LPP: variants seen among roughly 807,000 people sequenced by gnomAD.
LPP encodes lipoma-preferred partner.
In LPP, 38 loss-of-function variants were observed where a neutral mutation model predicts 60.4. The observed-to-expected ratio is 0.63, with a 90% confidence interval of 0.49 to 0.83. The LOEUF (loss-of-function observed/expected upper bound fraction) is 0.83. Among genes scored for constraint, LPP ranks in the 40% least tolerant of loss-of-function variants. The pLI is 0.00. For synonymous variants in LPP, 328 were observed against 290.8 expected, an observed-to-expected ratio of 1.13 and a Z score of -1.30; for missense variants, 902 against 783.6, an observed-to-expected ratio of 1.15 and a Z score of -1.80.
At chr3:188,762,227 G>C (rs532960176) in intron 9 of LPP, among the ~76,000 whole-genome samples, 185 of 152,150 alleles carry the variant, frequency 1.2e-3, no homozygotes, top group Admixed American at 1.4e-3. Context: ...TCCCCTCCTT[G>C]GGAAAATTAT....
At chr3:188,302,244 A>C (rs1750133085) in intron 2 of LPP, among the ~76,000 whole-genome samples, 1 of 152,212 alleles carries the variant, frequency 6.6e-6, no homozygotes, top group African/African-American at 2.4e-5. Context: ...ACAGAGACTC[A>C]AAGAGGCTAA....
At chr3:188,759,741 A>G (rs373151060) in intron 8 of LPP, among the ~76,000 whole-genome samples, 1 of 152,130 alleles carries the variant, frequency 6.6e-6, no homozygotes, top group African/African-American at 2.4e-5. Context: ...GTACTGTTTT[A>G]TAGATTTTGC....
intron 8 of LPP, among the ~76,000 whole-genome samples, chr3:188,736,122 A>G (rs1257695915): frequency 6.6e-6 from 1 of 152,196 alleles, no homozygotes; most frequent in Non-Finnish European, 1.5e-5. Flanking sequence ...TTTAGAAGCT[A>G]ACAACTTTTT....
At chr3:188,718,598 T>C (rs1447530140) in intron 8 of LPP, among the ~76,000 whole-genome samples, 1 of 152,238 alleles carries the variant, frequency 6.6e-6, no homozygotes, top group Non-Finnish European at 1.5e-5. Context: ...TCTGTTTTCT[T>C]CACTAAATGT....
chr3:188,636,600 G>C (rs927279128), intron 7 of LPP, among the ~76,000 whole-genome samples: 2 of 152,168 alleles, frequency 1.3e-5, no homozygotes, highest in Non-Finnish European at 2.9e-5. Flanking sequence ...AGCTCTGGGG[G>C]CCCAGGGCAC....
At chr3:188,409,942 G>T (rs1051114031) in intron 4 of LPP, among the ~76,000 whole-genome samples, 1 of 152,148 alleles carries the variant, frequency 6.6e-6, no homozygotes, top group East Asian at 1.9e-4. Flanking sequence ...TCTAACTCTA[G>T]AGTTACCCAA....
chr3:188,644,709 A>C (rs1850791650), intron 7 of LPP, among the ~76,000 whole-genome samples: 1 of 152,190 alleles, frequency 6.6e-6, no homozygotes, highest in Non-Finnish European at 1.5e-5. Context: ...TTTTATCAGA[A>C]AAGAAAAGAG....
intron 7 of LPP, among the ~76,000 whole-genome samples, chr3:188,654,922 G>A (rs910798490): frequency 6.6e-6 from 1 of 152,182 alleles, no homozygotes; most frequent in Non-Finnish European, 1.5e-5. Context: ...ATGGAATATT[G>A]TAGTCCAGGA....
At chr3:188,362,232 C>T (rs114611976) in intron 3 of LPP, among the ~76,000 whole-genome samples, 5,672 of 152,184 alleles carry the variant, frequency 0.037, 151 homozygotes, top group Non-Finnish European at 0.061. Flanking sequence ...GTTTTCAATA[C>T]GCTAGGCATT....
chr3:188,500,125 A>C (rs1177763889), intron 5 of LPP, among the ~76,000 whole-genome samples: 2 of 151,824 alleles, frequency 1.3e-5, no homozygotes, highest in African/African-American at 4.8e-5. Context: ...TACTCTGATG[A>C]GGACTTCCAG....
At chr3:188,490,627 G>C (rs1262133896) in intron 5 of LPP, among the ~76,000 whole-genome samples, 1 of 151,996 alleles carries the variant, frequency 6.6e-6, no homozygotes, top group African/African-American at 2.4e-5. Flanking sequence ...GCCCCACGAA[G>C]TGCTAGGATT....
intron 2 of LPP, among the ~76,000 whole-genome samples, chr3:188,269,346 A>G (rs896252906): frequency 6.6e-6 from 1 of 152,218 alleles, no homozygotes; most frequent in African/African-American, 2.4e-5. Context: ...CTCAAAATAA[A>G]TATCTTTTCC....
At chr3:188,664,774 G>A (rs1328165071) in intron 7 of LPP, among the ~76,000 whole-genome samples, 2 of 152,126 alleles carry the variant, frequency 1.3e-5, no homozygotes, top group Non-Finnish European at 2.9e-5. Context: ...GGATCAAATA[G>A]TGATTTTTCA....
chr3:188,552,226 A>G (rs756834030), intron 6 of LPP, among the ~76,000 whole-genome samples: 6 of 152,184 alleles, frequency 3.9e-5, no homozygotes, highest in Non-Finnish European at 7.3e-5. Context: ...AGTGATTTCT[A>G]CAGTAGCTCT....
At chr3:188,666,360 G>A (rs1302316201) in intron 7 of LPP, among the ~76,000 whole-genome samples, 1 of 152,184 alleles carries the variant, frequency 6.6e-6, no homozygotes, top group African/African-American at 2.4e-5. Context: ...CGGTGTGGAA[G>A]TTGAAGGACC....
intron 1 of LPP, among the ~76,000 whole-genome samples, chr3:188,202,993 A>G (rs1347139234): frequency 6.7e-6 from 1 of 150,344 alleles, no homozygotes; most frequent in Non-Finnish European, 1.5e-5. Context: ...GGTTTATTTT[A>G]TATATATTTG....
At chr3:188,334,422 CTTTTTTTTTTTT>C (rs71167095) in intron 2 of LPP, among the ~76,000 whole-genome samples, 1 of 98,676 alleles carries the variant, frequency 1.0e-5, no homozygotes, top group Non-Finnish European at 1.9e-5. Context: ...ATATTTCTTT[CTTTTTTTTTTTT>C]TTTTTTTTGA....
chr3:188,735,523 A>G (rs1247833269), intron 8 of LPP, among the ~76,000 whole-genome samples: 1 of 151,968 alleles, frequency 6.6e-6, no homozygotes, highest in African/African-American at 2.4e-5. Context: ...CTGGGATTAC[A>G]GGAGCCTGCC....
At chr3:188,228,589 G>T (rs978565762) in intron 2 of LPP, among the ~76,000 whole-genome samples, 1 of 152,170 alleles carries the variant, frequency 6.6e-6, no homozygotes, top group African/African-American at 2.4e-5. Context: ...TTTGAGACCA[G>T]CCTGGGCAAT....
Sources: gnomAD v4.1 joint callset for allele counts (sites outside exome capture counted in the v4.1 genomes callset) on GRCh38, gnomAD v4.1.1 for gene constraint, MANE v1.5 for transcripts, NCBI Gene and HGNC (gene_info 2026-07-23, HGNC 2026-07-21) for gene names.